The following GRM4 variants were observed in gnomAD, a reference collection of about 807,000 sequenced individuals.
GRM4 encodes the protein metabotropic glutamate receptor 4.
A neutral mutation model predicts 81.7 loss-of-function variants in GRM4; 28 were observed. The observed-to-expected ratio is 0.34, with a 90% CI of 0.25 to 0.47. The LOEUF is 0.47. Ranked by LOEUF, GRM4 falls within the 20% of genes least tolerant of loss-of-function variation. GRM4 has a pLI of 1.00. For missense variants in GRM4, 948 were observed against 1,290.0 expected (o/e 0.73, Z 4.06); for synonymous variants, 488 against 528.8 (o/e 0.92, Z 1.06).
chr6:34,072,372 CCACA>C (rs199794624), intron 3 of GRM4, among the ~76,000 whole-genome samples: 5,475 of 146,678 alleles, frequency 0.037, 182 homozygotes, highest in East Asian at 0.17. Context: ...CCTTACATCA[CCACA>C]CAGATACACA....
chr6:34,026,767 C>A (rs1024309982), intron 10 of GRM4, among the ~76,000 whole-genome samples: 1 of 152,166 alleles, frequency 6.6e-6, no homozygotes, highest in African/African-American at 2.4e-5. Context: ...ACAGCACCCG[C>A]GGTGTCACCC....
chr6:34,110,771 A>T, intron 2 of GRM4: 1 of 1,452,362 alleles, frequency 6.9e-7, no homozygotes, highest in Non-Finnish European at 9.1e-7. Flanking sequence ...ATCAGAGATC[A>T]AAGTGGTGCC....
intron 2 of GRM4, among the ~76,000 whole-genome samples, chr6:34,106,586 G>A (rs1307618223): frequency 6.6e-6 from 1 of 152,042 alleles, no homozygotes; most frequent in Non-Finnish European, 1.5e-5. Flanking sequence ...CAACGTCCAT[G>A]TTGTTCCTCC....
chr6:34,122,931 A>G (rs1434598082), intron 2 of GRM4, among the ~76,000 whole-genome samples: 1 of 152,232 alleles, frequency 6.6e-6, no homozygotes. Context: ...ACTGCCCACA[A>G]GGCAGCAAGA....
At chr6:34,139,079 C>G (rs1770576281) in intron 1 of GRM4, among the ~76,000 whole-genome samples, 1 of 152,264 alleles carries the variant, frequency 6.6e-6, no homozygotes, top group Admixed American at 6.5e-5. Context: ...AGAATGGCCA[C>G]AGCCGCATGC....
chr6:34,067,799 T>C (rs571717258), intron 3 of GRM4, among the ~76,000 whole-genome samples: 432 of 151,604 alleles, frequency 2.8e-3, no homozygotes, highest in African/African-American at 0.01. Flanking sequence ...CGGGTCAGCC[T>C]GAGCATGCAG....
intron 3 of GRM4, among the ~76,000 whole-genome samples, chr6:34,082,030 G>A (rs1040057526): frequency 6.6e-5 from 10 of 151,482 alleles, no homozygotes; most frequent in African/African-American, 2.4e-4. Flanking sequence ...TCCAATGGGA[G>A]CCTGCGGGAC....
chr6:34,061,677 G>C, intron 4 of GRM4: 1 of 473,024 alleles, frequency 2.1e-6, no homozygotes, highest in Non-Finnish European at 3.8e-6. Context: ...AATGGATGCA[G>C]GAAATGGAGA....
Position 34,080,859 on chromosome 6 carries a change from TAC to T in GRM4, c.736+11022_736+11023del, listed in dbSNP as rs1210368133. ...ACACACACACACATACACACACACA[TAC>T]ACATACATATACACACACACACACA... On this transcript the variant is annotated intron_variant, in intron 3 of 10. Transcript: ENST00000538487. This position sits in a 1 kb window ranked among gnomAD's most constrained non-coding sequence, Gnocchi z 5.4. 4.5e-5 allele frequency among the ~76,000 whole-genome samples: 5 copies of T among 111,484 alleles called. No individual in the cohort carries two copies. Among genetic ancestry groups the T allele is most frequent in the African/African-American group, 2.0e-4 (5 of 25,610 alleles). The allele number at this position is 111,484 out of a possible 152,430, so 73.1% of individuals were successfully genotyped here.
intron 6 of GRM4, among the ~76,000 whole-genome samples, chr6:34,053,832 G>A (rs918123835): frequency 6.6e-6 from 1 of 152,188 alleles, no homozygotes; most frequent in African/African-American, 2.4e-5. Flanking sequence ...AACAAAGCTT[G>A]GAAACCACTG....
At position 34,090,606 on chromosome 6, in the gene GRM4, GCCT is replaced by G. The variant is rs1411944992; in HGVS notation, c.736+1274_736+1276del. Reference sequence around the variant, plus strand: ...CTGCAGAAGTGGGGAGTAGCCTGGAGCCTCAGCCATCAGTCAGTGCTGCCCCAC... The same window carrying G: ...CTGCAGAAGTGGGGAGTAGCCTGGAGCAGCCATCAGTCAGTGCTGCCCCAC... On this transcript the variant is annotated intron_variant, in intron 3 of 10. Transcript: ENST00000538487. This position sits in a 1 kb window ranked among gnomAD's most constrained non-coding sequence, Gnocchi z 5.2. 6.6e-6 allele frequency among the ~76,000 whole-genome samples: 1 copy of G among 152,228 alleles called. No individual in the cohort carries two copies. The highest frequency in any genetic ancestry group is 1.5e-5 in the Non-Finnish European group (1 of 67,998).
At chr6:34,127,899 C>T (rs1312381817) in intron 2 of GRM4, among the ~76,000 whole-genome samples, 1 of 152,176 alleles carries the variant, frequency 6.6e-6, no homozygotes, top group Admixed American at 6.5e-5. Flanking sequence ...GACAGAACAT[C>T]TTGTGGGATC....
intron 3 of GRM4, among the ~76,000 whole-genome samples, chr6:34,086,355 G>A (rs1328481883): frequency 1.3e-5 from 2 of 152,190 alleles, no homozygotes; most frequent in Non-Finnish European, 2.9e-5. Context: ...CCTGGGAGTC[G>A]GAGCAGGAGG....
intron 2 of GRM4, among the ~76,000 whole-genome samples, chr6:34,101,475 A>G (rs1768835298): frequency 6.6e-6 from 1 of 151,826 alleles, no homozygotes; most frequent in Non-Finnish European, 1.5e-5. Flanking sequence ...ACACATGCAT[A>G]TGCATTTACA....
At chr6:34,038,870 T>C (rs574293684) in intron 8 of GRM4, among the ~76,000 whole-genome samples, 1 of 152,300 alleles carries the variant, frequency 6.6e-6, no homozygotes, top group African/African-American at 2.4e-5. Flanking sequence ...CACCTTCAGT[T>C]AGGACATCTG....
rs199716516 is a variant in GRM4, at chr6:34,039,170, TG to T, written c.1506+1007del. ...GGAACAGGCTGTTCCTGCCACACGG[TG>T]TGGCCTTTAGGAGAGTCCTTCTGCC... On this transcript the variant is annotated intron_variant, in intron 8 of 10. Coordinates refer to ENST00000538487, the MANE Select transcript of GRM4 (RefSeq NM_000841.4). 6.6e-3 allele frequency among the ~76,000 whole-genome samples: 1,001 copies of T among 152,286 alleles called. 11 individuals carry two copies. Among genetic ancestry groups the T allele is most frequent in the African/African-American group, 0.023 (947 of 41,554 alleles).
intron 10 of GRM4, among the ~76,000 whole-genome samples, chr6:34,026,906 G>A (rs1764160758): frequency 1.3e-5 from 2 of 152,338 alleles, no homozygotes; most frequent in South Asian, 4.1e-4. Flanking sequence ...AACAGGACCT[G>A]GGACCTGGGA....
chr6:34,044,515 G>T (rs1004183690), intron 6 of GRM4, among the ~76,000 whole-genome samples: 8 of 133,210 alleles, frequency 6.0e-5, no homozygotes, highest in East Asian at 2.3e-4. Context: ...TACACACACA[G>T]ACATACATAC....
chr6:34,125,025 GTGCGGTGGCGCTATCTCTGCTCAC>G (rs1299307970), intron 2 of GRM4, among the ~76,000 whole-genome samples: 1 of 152,048 alleles, frequency 6.6e-6, no homozygotes, highest in East Asian at 1.9e-4. Context: ...CCAGGCTGGA[GTGCGGTGGCGCTATCTCTGCTCAC>G]TGCAAGCTCC....
Sources: gnomAD v4.1 joint callset for allele counts (sites outside exome capture counted in the v4.1 genomes callset) on GRCh38, gnomAD v4.1.1 for gene constraint, Gnocchi (gnomAD v3.1) non-coding constraint, MANE v1.5 for transcripts, NCBI Gene and HGNC (gene_info 2026-07-23, HGNC 2026-07-21) for gene names.